Variants in ADAMTSL1 observed in about 807,000 individuals in gnomAD.
ADAMTSL1 encodes ADAMTS like 1.
A neutral mutation model predicts 201.8 loss-of-function variants in ADAMTSL1; 126 were observed. The observed-to-expected ratio is 0.62, with a 90% CI of 0.54 to 0.72. ADAMTSL1 has a LOEUF of 0.72. Among genes scored for constraint, ADAMTSL1 ranks in the 30% least tolerant of loss-of-function variants. ADAMTSL1 has a pLI of 0.00. For synonymous variants in ADAMTSL1, 1,121 were observed against 903.4 expected (o/e 1.24, Z -4.32); for missense variants, 2,679 against 2,277.8 (o/e 1.18, Z -3.59).
intron 2 of ADAMTSL1, among the ~76,000 whole-genome samples, chr9:18,274,749 G>T (rs755504938): frequency 2.0e-5 from 3 of 152,126 alleles, no homozygotes; most frequent in Non-Finnish European, 4.4e-5. Flanking sequence ...TTGCAAAAGA[G>T]ACTATTATAA....
intron 2 of ADAMTSL1, among the ~76,000 whole-genome samples, chr9:18,251,266 A>G (rs974711085): frequency 2.6e-5 from 4 of 152,304 alleles, no homozygotes; most frequent in South Asian, 2.1e-4. Context: ...GAGTTCTAGA[A>G]CAAGAAATAA....
chr9:18,500,221 A>G (rs1425512029), intron 1 of ADAMTSL1, among the ~76,000 whole-genome samples: 1 of 152,224 alleles, frequency 6.6e-6, no homozygotes, highest in African/African-American at 2.4e-5. Flanking sequence ...TTGTTGCTGC[A>G]ATTGGCTCTG....
At chr9:18,851,171 T>C (rs576837472) in intron 23 of ADAMTSL1, among the ~76,000 whole-genome samples, 2 of 152,104 alleles carry the variant, frequency 1.3e-5, no homozygotes, top group South Asian at 4.2e-4. Flanking sequence ...GAAGTTTCAT[T>C]CTATGCCAAG....
At chr9:18,731,957 T>C (rs1022297140) in intron 15 of ADAMTSL1, among the ~76,000 whole-genome samples, 1 of 152,172 alleles carries the variant, frequency 6.6e-6, no homozygotes, top group Non-Finnish European at 1.5e-5. Context: ...TATATTTCCA[T>C]ATGATATTCG....
intron 2 of ADAMTSL1, among the ~76,000 whole-genome samples, chr9:18,240,164 CA>C (rs1831007969): frequency 6.6e-6 from 1 of 152,090 alleles, no homozygotes; most frequent in South Asian, 2.1e-4. Context: ...TTTAGCCTGA[CA>C]AAATGCATCT....
chr9:18,373,233 G>A (rs1348922242), intron 2 of ADAMTSL1, among the ~76,000 whole-genome samples: 2 of 152,190 alleles, frequency 1.3e-5, no homozygotes, highest in East Asian at 1.9e-4. Context: ...TGTCCCAGCT[G>A]ACATTTATTG....
intron 1 of ADAMTSL1, among the ~76,000 whole-genome samples, chr9:17,965,283 AT>A (rs896236919): frequency 1.3e-5 from 2 of 152,158 alleles, no homozygotes; most frequent in African/African-American, 2.4e-5. Context: ...AAAACAACTT[AT>A]TTTTACAAAA....
At chr9:17,917,156 T>C (rs1826126330) in intron 1 of ADAMTSL1, among the ~76,000 whole-genome samples, 1 of 152,172 alleles carries the variant, frequency 6.6e-6, no homozygotes, top group African/African-American at 2.4e-5. Context: ...TGCAACAATA[T>C]GTAGTATATT....
chr9:18,009,649 G>C (rs917263831), intron 1 of ADAMTSL1, among the ~76,000 whole-genome samples: 2 of 151,972 alleles, frequency 1.3e-5, no homozygotes, highest in African/African-American at 4.8e-5. Flanking sequence ...TTCTGGATAA[G>C]AACAATACAG....
intron 2 of ADAMTSL1, among the ~76,000 whole-genome samples, chr9:18,350,393 T>C (rs1835915631): frequency 6.6e-6 from 1 of 152,114 alleles, no homozygotes; most frequent in African/African-American, 2.4e-5. Flanking sequence ...AATCAGGAAG[T>C]TGCAAGATGC....
chr9:18,571,298 G>C (rs768546183), intron 3 of ADAMTSL1, among the ~76,000 whole-genome samples: 2 of 152,168 alleles, frequency 1.3e-5, no homozygotes, highest in South Asian at 2.1e-4. Context: ...AGGCAGAGGC[G>C]ATTCAGCCTG....
At chr9:18,277,167 T>C (rs1256229700) in intron 2 of ADAMTSL1, among the ~76,000 whole-genome samples, 1 of 152,214 alleles carries the variant, frequency 6.6e-6, no homozygotes, top group African/African-American at 2.4e-5. Context: ...TCACATATGA[T>C]CTATCCTGCA....
intron 23 of ADAMTSL1, among the ~76,000 whole-genome samples, chr9:18,848,797 A>G (rs981565398): frequency 2.6e-5 from 4 of 152,240 alleles, no homozygotes; most frequent in Admixed American, 2.0e-4. Flanking sequence ...TGAAAAGTGA[A>G]AGCAGCCATA....
rs1377363868 is a variant in ADAMTSL1 at position 18,537,892 on chromosome 9, AAGAAG to A, written c.237+4602_237+4606del. ...TTGTCTCTATTTAAAAAAAAAAAAA[AAGAAG>A]AAAGAAGAAGAAGAAGAAGAGAAGA... On this transcript the variant is annotated intron_variant, in intron 3 of 28. Transcript: ENST00000380548. Among the ~76,000 whole-genome samples, 688 of 147,820 alleles carry A rather than the reference AAGAAG, an allele frequency of 4.7e-3. 17 individuals carry two copies. Among genetic ancestry groups the A allele is most frequent in the African/African-American group, 0.017 (674 of 39,734 alleles).
chr9:18,829,742 A>C (rs1824854968), intron 22 of ADAMTSL1, 101 bp from the exon 23 acceptor site: 1 of 1,448,822 alleles, frequency 6.9e-7, no homozygotes, highest in Non-Finnish European at 9.5e-7. Context: ...TATCTTACAT[A>C]TACGCATACA....
chr9:18,504,954 C>T lies in ADAMTSL1; in HGVS notation c.189C>T (p.Ser63=). ...ACTCTCTGAGGCGCTGCCTGAGCAGCAAGTAAGTCCTGCACCCGTTGGGGG... is the reference window on the plus strand; with the variant it reads ...ACTCTCTGAGGCGCTGCCTGAGCAGTAAGTAAGTCCTGCACCCGTTGGGGG... ...ASYSLRRCLS[S]KSCEGRNIRY... The change falls in exon 2 of 29, where the codon AGC becomes AGT. Residue 63 remains serine (S), a splice_region_variant and synonymous_variant. Transcript: ENST00000380548. 3 of 1,606,916 alleles carry T rather than the reference C, an allele frequency of 1.9e-6. No homozygotes were observed. The highest frequency in any genetic ancestry group is 2.5e-6 in the Non-Finnish European group (3 of 1,178,800).
intron 23 of ADAMTSL1, among the ~76,000 whole-genome samples, chr9:18,831,981 A>G (rs150733426): frequency 1.3e-5 from 2 of 152,350 alleles, no homozygotes; most frequent in East Asian, 3.9e-4. Flanking sequence ...ATGGGCACTC[A>G]AGGTGAGGAA....
chr9:18,509,257 T>C (rs954759232), intron 2 of ADAMTSL1, among the ~76,000 whole-genome samples: 16 of 142,586 alleles, frequency 1.1e-4, no homozygotes, highest in Non-Finnish European at 9.1e-5. Context: ...CTGGGATATG[T>C]GCTCAGCTTT....
intron 2 of ADAMTSL1, among the ~76,000 whole-genome samples, chr9:18,458,844 T>C (rs1340411131): frequency 6.6e-6 from 1 of 152,202 alleles, no homozygotes; most frequent in East Asian, 1.9e-4. Flanking sequence ...TTAACAAATC[T>C]AGCCCAGCCC....
Sources: allele counts gnomAD v4.1 joint callset (sites outside exome capture counted in the v4.1 genomes callset), GRCh38; gene constraint gnomAD v4.1.1; transcripts MANE v1.5; gene names NCBI Gene and HGNC (gene_info 2026-07-23, HGNC 2026-07-21).